The following STXBP4 variants were observed in gnomAD, a reference collection of about 807,000 sequenced individuals.
STXBP4 encodes syntaxin binding protein 4, also known as syntaxin-binding protein 4.
STXBP4 carries 55 observed loss-of-function variants against 76.1 expected under a neutral mutation model. The observed-to-expected ratio is 0.72, with a 90% CI of 0.58 to 0.91. The LOEUF is 0.91. Among genes scored for constraint, STXBP4 ranks in the 40% least tolerant of loss-of-function variants. STXBP4 has a pLI of 0.00. For synonymous variants in STXBP4, 201 were observed against 220.2 expected, an observed-to-expected ratio of 0.91 and a Z score of 0.77; for missense variants, 618 against 636.9, an observed-to-expected ratio of 0.97 and a Z score of 0.32.
intron 12 of STXBP4, among the ~76,000 whole-genome samples, chr17:55,072,586 T>C (rs1336712531): frequency 6.6e-6 from 1 of 152,172 alleles, no homozygotes; most frequent in Non-Finnish European, 1.5e-5. Flanking sequence ...CTACTCTTTT[T>C]ATCTTTTGAG....
At chr17:55,051,270 A>C (rs1428690301) in intron 12 of STXBP4, among the ~76,000 whole-genome samples, 1 of 152,200 alleles carries the variant, frequency 6.6e-6, no homozygotes, top group African/African-American at 2.4e-5. Flanking sequence ...CTGCAAGTGT[A>C]CTGAAGAAAA....
chr17:55,071,681 A>G (rs1482875979), intron 12 of STXBP4, among the ~76,000 whole-genome samples: 2 of 152,182 alleles, frequency 1.3e-5, no homozygotes, highest in African/African-American at 4.8e-5. Flanking sequence ...CCTGACACAT[A>G]ATAAATACTT....
At chr17:54,980,879 T>A (rs529086141) in intron 1 of STXBP4, among the ~76,000 whole-genome samples, 29 of 152,330 alleles carry the variant, frequency 1.9e-4, no homozygotes, top group African/African-American at 6.7e-4. Flanking sequence ...CAGGACAACT[T>A]TAAATGTGTT....
intron 6 of STXBP4, among the ~76,000 whole-genome samples, chr17:55,000,593 A>C (rs937123676): frequency 1.3e-5 from 2 of 152,140 alleles, no homozygotes; most frequent in Non-Finnish European, 2.9e-5. Flanking sequence ...GAGTGGCCTT[A>C]TATTTTGTTA....
intron 16 of STXBP4, among the ~76,000 whole-genome samples, chr17:55,122,967 C>A (rs545126354): frequency 2.2e-4 from 34 of 152,032 alleles, no homozygotes; most frequent in Non-Finnish European, 3.8e-4. Context: ...ATTAGAAAAT[C>A]TTTTAGAGAT....
At position 55,121,928 on chromosome 17, in the gene STXBP4, T is replaced by A. The variant is rs540565557; in HGVS notation, c.1490-19382T>A. Among the ~76,000 whole-genome samples, 7 of 152,120 alleles carry A rather than the reference T, an allele frequency of 4.6e-5. No individual in the cohort carries two copies. The East Asian group carries it at 1.4e-3, about 29-fold the overall frequency. ...GACGAAATGTGTAGGGATCAGCCAC[T>A]TAACACCTAAAGGATACTAGAGTAG... On this transcript the variant is annotated intron_variant, in intron 16 of 17. Transcript: ENST00000376352.
intron 8 of STXBP4, among the ~76,000 whole-genome samples, chr17:55,024,668 C>G (rs1443270897): frequency 2.6e-5 from 4 of 152,024 alleles, no homozygotes; most frequent in Admixed American, 6.5e-5. Flanking sequence ...AATATATCAG[C>G]ATTATTTCAA....
At chr17:55,051,362 G>A (rs2078856349) in intron 12 of STXBP4, among the ~76,000 whole-genome samples, 1 of 152,144 alleles carries the variant, frequency 6.6e-6, no homozygotes, top group Admixed American at 6.5e-5. Flanking sequence ...AGCAACTAGT[G>A]AATGCAGTAT....
chr17:55,144,222 C>T (rs2080126437), intron 17 of STXBP4, among the ~76,000 whole-genome samples: 1 of 152,086 alleles, frequency 6.6e-6, no homozygotes, highest in South Asian at 2.1e-4. Flanking sequence ...TTAAAAAAGT[C>T]AAAGAGTAGA....
intron 9 of STXBP4, among the ~76,000 whole-genome samples, chr17:55,032,119 A>G (rs2078519424): frequency 6.6e-6 from 1 of 152,152 alleles, no homozygotes; most frequent in Non-Finnish European, 1.5e-5. Context: ...GATATTTTGC[A>G]CATATATTCG....
rs776555416 is a variant in STXBP4, at chr17:55,073,011, C to T, written c.1123C>T (p.Arg375Cys). The change falls in exon 13 of 18, where the codon CGT becomes TGT. Residue 375 changes from arginine (R) to cysteine (C), a missense_variant. Coordinates refer to ENST00000376352, the MANE Select transcript of STXBP4 (RefSeq NM_178509.6). ...GGAAATGGACTATGAAGAAGTGATC[C>T]GTCTGTTAGAGGCCAAGATTACAGA... Reference protein sequence around the residue: ...GMEMDYEEVIRLLEAKITELK... With the variant: ...GMEMDYEEVICLLEAKITELK... 48 of 1,613,872 alleles carry T rather than the reference C, an allele frequency of 3.0e-5. No individual in the cohort carries two copies. The highest frequency in any genetic ancestry group is 1.8e-4 in the East Asian group (8 of 44,848).
At chr17:55,083,107 G>C (rs758619994) in intron 16 of STXBP4, among the ~76,000 whole-genome samples, 5 of 151,816 alleles carry the variant, frequency 3.3e-5, no homozygotes, top group Non-Finnish European at 7.4e-5. Context: ...CTCTCAGGTA[G>C]CTGAGACCAC....
At chr17:55,193,942 C>G in the STXBP4 span, among the ~76,000 whole-genome samples, 398 of 152,048 alleles carry the variant, frequency 2.6e-3, no homozygotes, top group Non-Finnish European at 4.6e-3. Context: ...GTAATCATCT[C>G]AGTTAGAGAA....
At chr17:55,185,234 CTTCT>C in the STXBP4 span, among the ~76,000 whole-genome samples, 1 of 48,434 alleles carries the variant, frequency 2.1e-5, no homozygotes, top group African/African-American at 1.0e-4. Context: ...TCTTCTTCTT[CTTCT>C]TCTTCTTCTT....
chr17:55,020,901 A>G (rs2078298663), intron 8 of STXBP4, among the ~76,000 whole-genome samples: 1 of 152,204 alleles, frequency 6.6e-6, no homozygotes, highest in Non-Finnish European at 1.5e-5. Context: ...AAGCTAATAT[A>G]TGAAACCTCT....
Position 55,006,497 on chromosome 17 carries a change from T to C in STXBP4, c.575-1009T>C, listed in dbSNP as rs17209945. On this transcript the variant is annotated intron_variant, in intron 7 of 17. Transcript: ENST00000376352. ...GTGGCAATTTAGATAGTAAGATCAATATGAATTACAGGAATTTGTTTTACA... is the reference window on the plus strand; with the variant it reads ...GTGGCAATTTAGATAGTAAGATCAACATGAATTACAGGAATTTGTTTTACA... Among the ~76,000 whole-genome samples the C allele has an allele frequency of 3.4e-3, 521 of 152,336 alleles. 8 individuals are homozygous for C. The East Asian group carries it at 0.044, about 13-fold the overall frequency.
In STXBP4 at chr17:55,172,725, A is replaced by G. The variant is rs1052443927; in HGVS notation, c.*12814A>G. The stretch of plus-strand genomic sequence containing the variant: ...CTAATTTGCATATGAGAAAAAACTA[A>G]GGCTCGGATGAGTTATGTGACTTCC... On this transcript the variant is annotated 3_prime_UTR_variant, in exon 18 of 18. Transcript: ENST00000376352. 12 of 152,224 alleles carry G rather than the reference A, an allele frequency of 7.9e-5. No homozygotes were observed. The highest frequency in any genetic ancestry group is 5.9e-4 in the Admixed American group (9 of 15,288). 9.4% of individuals were successfully genotyped at this position (152,224 alleles called of 1,614,324 possible). A position where few individuals can be genotyped will look rare whatever the true frequency, so the allele number is the denominator to read the frequency against.
At chr17:55,010,865 T>G (rs1225387424) in intron 8 of STXBP4, among the ~76,000 whole-genome samples, 1 of 152,212 alleles carries the variant, frequency 6.6e-6, no homozygotes, top group African/African-American at 2.4e-5. Context: ...CAGAAAAACT[T>G]CAGCACATTT....
At position 55,065,280 on chromosome 17, in the gene STXBP4, C is replaced by T. The variant is rs549554009; in HGVS notation, c.1012-7620C>T. 1.4e-4 allele frequency among the ~76,000 whole-genome samples: 22 copies of T among 152,236 alleles called. 1 individual carries two copies. The South Asian group carries it at 3.3e-3, about 23-fold the overall frequency. On this transcript the variant is annotated intron_variant, in intron 12 of 17. Coordinates refer to ENST00000376352, the MANE Select transcript of STXBP4 (RefSeq NM_178509.6). ...TACCAGTTTTCACTGATTTATTCAT[C>T]GACATCAACTTAAGAATCTTTTTAT... is the stretch of plus-strand genomic sequence containing the variant.
Sources: gnomAD v4.1 joint callset for allele counts (sites outside exome capture counted in the v4.1 genomes callset) on GRCh38, gnomAD v4.1.1 for gene constraint, MANE v1.5 for transcripts, NCBI Gene and HGNC (gene_info 2026-07-23, HGNC 2026-07-21) for gene names.